ZNF708: variants seen among roughly 807,000 people sequenced by gnomAD.
ZNF708 encodes zinc finger protein 708, also known as ZNF15, ZNF15L1.
ZNF708 carries 44 observed loss-of-function variants against 47.0 expected under a neutral mutation model. The ratio of observed to expected loss-of-function variants is 0.94; its 90% CI spans 0.74 to 1.20. ZNF708 has a LOEUF of 1.20. ZNF708 is among the 50% of genes most tolerant of loss of function. ZNF708 has a pLI of 0.00. For synonymous variants in ZNF708, 184 were observed against 218.5 expected (o/e 0.84, Z 1.39); for missense variants, 557 against 656.0 (o/e 0.85, Z 1.65).
chr19:21,312,489 T>A (rs1972919055), intron 1 of ZNF708, among the ~76,000 whole-genome samples: 1 of 152,022 alleles, frequency 6.6e-6, no homozygotes, highest in African/African-American at 2.4e-5. Context: ...AACATGGATG[T>A]GTCCACCTGG....
In ZNF708 at chr19:21,329,283, G is replaced by C. The variant is rs1042230808; in HGVS notation, c.-71C>G. On this transcript the variant is annotated 5_prime_UTR_variant, in exon 1 of 4. Coordinates refer to ENST00000356929, the MANE Select transcript of ZNF708 (RefSeq NM_021269.3). The stretch of plus-strand genomic sequence containing the variant: ...AATACCTGCAGGTCACAGAGCCACA[G>C]AGTCTGGGCCTCTAGGAGCAGAGGA... 8.1e-6 allele frequency: 13 copies of C among 1,599,766 alleles called. No homozygotes were observed. Among genetic ancestry groups the C allele is most frequent in the African/African-American group, 1.3e-5 (1 of 74,660 alleles).
intron 3 of ZNF708, among the ~76,000 whole-genome samples, chr19:21,302,468 C>T (rs574099963): frequency 3.8e-4 from 58 of 152,110 alleles, no homozygotes; most frequent in African/African-American, 1.2e-3. Flanking sequence ...GAGGCTGAGG[C>T]GGGTGTATCA....
chr19:21,323,962 G>A (rs62107479), intron 1 of ZNF708, among the ~76,000 whole-genome samples: 21,356 of 152,192 alleles, frequency 0.14, 1,983 homozygotes, highest in Non-Finnish European at 0.21. Flanking sequence ...GTGTTTAGCC[G>A]GGCGCAGTGG....
chr19:21,319,429 T>A (rs1424521617), intron 1 of ZNF708, among the ~76,000 whole-genome samples: 1 of 150,346 alleles, frequency 6.7e-6, no homozygotes, highest in Non-Finnish European at 1.5e-5. Flanking sequence ...TGTGTTCAAT[T>A]TGTGTGTGCT....
intron 2 of ZNF708, 99 bp from the exon 3 acceptor site, chr19:21,309,440 G>T: frequency 8.6e-7 from 1 of 1,158,036 alleles, no homozygotes; most frequent in Non-Finnish European, 1.2e-6. Flanking sequence ...AGGCACAGTG[G>T]CTCATCCTGG....
At chr19:21,303,646 C>T (rs564996851) in intron 3 of ZNF708, among the ~76,000 whole-genome samples, 12 of 151,610 alleles carry the variant, frequency 7.9e-5, no homozygotes, top group Middle Eastern at 3.4e-3. Context: ...AAAAAGCATA[C>T]AATATGCTGC....
At chr19:21,317,622 A>C (rs558149826) in intron 1 of ZNF708, among the ~76,000 whole-genome samples, 1 of 152,350 alleles carries the variant, frequency 6.6e-6, no homozygotes, top group East Asian at 1.9e-4. Context: ...GAAAAGAAAG[A>C]AAACTTTTAT....
In ZNF708 at chr19:21,322,433, C is replaced by T. The variant is rs545483162; in HGVS notation, c.3+6777G>A. Among the ~76,000 whole-genome samples, 10 of 152,180 alleles carry T rather than the reference C, an allele frequency of 6.6e-5. No homozygotes were observed. The South Asian group carries it at 2.1e-3, about 32-fold the overall frequency. ...TCTCCTTCCTCAGCCTCCTGAATAG[C>T]TGAGATTACAAGAACGCACCACCAT... On this transcript the variant is annotated intron_variant, in intron 1 of 3. Coordinates refer to ENST00000356929, the MANE Select transcript of ZNF708 (RefSeq NM_021269.3).
chr19:21,329,193 T>C lies in ZNF708; in HGVS notation c.3+17A>G. ...CCAGCCCTTCCCCTCTCTCGGGATGTCGGACGGCACTCTCACCATTTCTAG... is the reference window on the plus strand; with the variant it reads ...CCAGCCCTTCCCCTCTCTCGGGATGCCGGACGGCACTCTCACCATTTCTAG... On this transcript the variant is annotated intron_variant, in intron 1 of 3. Transcript: ENST00000356929. The C allele has an allele frequency of 6.2e-7, 1 of 1,612,176 alleles. No individual in the cohort carries two copies. The highest frequency in any genetic ancestry group is 8.5e-7 in the Non-Finnish European group (1 of 1,178,618).
chr19:21,293,935 G>C lies in ZNF708; in HGVS notation c.1031C>G (p.Ala344Gly). Reference protein sequence around the residue: ...KPYKCEECGKAFSVFSTLTKH... With the variant: ...KPYKCEECGKGFSVFSTLTKH... The stretch of plus-strand genomic sequence containing the variant: ...AGTAAGGGTTGAAAATACACTAAAA[G>C]CTTTGCCACATTCTTCACATTTGTA... The change falls in exon 4 of 4, where the codon GCT becomes GGT. Residue 344 changes from alanine (A) to glycine (G), a missense_variant. Coordinates refer to ENST00000356929, the MANE Select transcript of ZNF708 (RefSeq NM_021269.3). 6.2e-7 allele frequency: 1 copy of C among 1,613,270 alleles called. No homozygotes were observed. The highest frequency in any genetic ancestry group is 1.1e-5 in the South Asian group (1 of 91,046).
At chr19:21,311,901 A>C (rs1466356814) in intron 1 of ZNF708, among the ~76,000 whole-genome samples, 2 of 152,188 alleles carry the variant, frequency 1.3e-5, no homozygotes, top group African/African-American at 4.8e-5. Context: ...CCCTATGGCC[A>C]CCCTTTTAGT....
At chr19:21,321,254 G>A (rs1973129357) in intron 1 of ZNF708, among the ~76,000 whole-genome samples, 1 of 152,110 alleles carries the variant, frequency 6.6e-6, no homozygotes, top group Admixed American at 6.6e-5. Context: ...ACAAAGTGGG[G>A]AACAACAGTA....
Position 21,294,166 on chromosome 19 carries a change from A to G in ZNF708, c.800T>C (p.Leu267Pro). Residue 267 changes from leucine to proline, a missense_variant, in exon 4 of 4, where the codon CTT (leucine) becomes CCT (proline). Physicochemically the swap from Leu to Pro is moderately conservative, Grantham distance 98. Transcript: ENST00000356929. ...CGKAFNRSSN[L>P]TKHKIVHTGE... The stretch of plus-strand genomic sequence containing the variant: ...AGTATGAACTATCTTATGTTTAGTA[A>G]GGTTTGAGGACCGGTTAAAAGCTTT... 6.2e-7 allele frequency: 1 copy of G among 1,612,382 alleles called. No individual in the cohort carries two copies. Among genetic ancestry groups the G allele is most frequent in the Non-Finnish European group, 8.5e-7 (1 of 1,179,600 alleles).
intron 1 of ZNF708, among the ~76,000 whole-genome samples, chr19:21,320,730 A>T (rs1379638012): frequency 6.6e-6 from 1 of 150,770 alleles, no homozygotes; most frequent in Non-Finnish European, 1.5e-5. Context: ...TAAAAACAAA[A>T]TATGGCACAT....
At position 21,329,132 on chromosome 19, in the gene ZNF708, C is replaced by T; in HGVS notation, c.3+78G>A. 7 of 1,595,258 alleles carry T rather than the reference C, an allele frequency of 4.4e-6. No individual in the cohort carries two copies. In the South Asian group the frequency reaches 7.7e-5, roughly 18 times the overall value. On this transcript the variant is annotated intron_variant, in intron 1 of 3. Transcript: ENST00000356929. ...ATTGTGGAGATGACTGCGGGGAGTC[C>T]TGAGTCCCGCCACAGCCACTTCCCA...
At chr19:21,295,059 T>C (rs1281319623) in intron 3 of ZNF708, among the ~76,000 whole-genome samples, 1 of 152,194 alleles carries the variant, frequency 6.6e-6, no homozygotes, top group Non-Finnish European at 1.5e-5. Flanking sequence ...CAGAAGTAAA[T>C]TGCCAACTCC....
chr19:21,298,374 G>A (rs905604742), intron 3 of ZNF708, among the ~76,000 whole-genome samples: 5 of 144,380 alleles, frequency 3.5e-5, no homozygotes, highest in African/African-American at 5.1e-5. Context: ...TTTAAAAAAC[G>A]GAAAAATTCA....
rs1972406314 is a variant in ZNF708 at position 21,292,067 on chromosome 19, C to CT, written c.*1206dup. ...TTTGTTTTTGAGATGGAGTCTCACT[C>CT]TGTCACCCGGCTGGAGTGCAGTGGT... On this transcript the variant is annotated 3_prime_UTR_variant, in exon 4 of 4. Coordinates refer to ENST00000356929, the MANE Select transcript of ZNF708 (RefSeq NM_021269.3). 6.6e-6 allele frequency: 1 copy of CT among 152,148 alleles called. No homozygotes were observed. Among genetic ancestry groups the CT allele is most frequent in the Non-Finnish European group, 1.5e-5 (1 of 68,104 alleles). The allele number at this position is 152,148 out of a possible 1,614,324, so 9.4% of individuals were successfully genotyped here.
intron 1 of ZNF708, among the ~76,000 whole-genome samples, chr19:21,326,705 T>C (rs188171428): frequency 0.011 from 1,687 of 151,844 alleles, 30 homozygotes; most frequent in African/African-American, 0.038. Flanking sequence ...CCATGGCGGG[T>C]GGATCACTTG....
Sources: gnomAD v4.1 joint callset for allele counts (sites outside exome capture counted in the v4.1 genomes callset) on GRCh38, gnomAD v4.1.1 for gene constraint, MANE v1.5 for transcripts, NCBI Gene and HGNC (gene_info 2026-07-23, HGNC 2026-07-21) for gene names.